Variants in PDE10A observed in about 807,000 individuals in gnomAD.
The protein encoded by PDE10A is cAMP and cAMP-inhibited cGMP 3',5'-cyclic phosphodiesterase 10A.
In PDE10A, 39 loss-of-function variants were observed where a neutral mutation model predicts 97.7. That is an observed-to-expected ratio of 0.40 (90% CI 0.31 to 0.52). The LOEUF is 0.52. PDE10A is among the 20% of genes least tolerant of loss of function. PDE10A has a pLI of 0.56. For synonymous variants in PDE10A, 371 were observed against 376.8 expected (o/e 0.98, Z 0.18); for missense variants, 731 against 1,047.8 (o/e 0.70, Z 4.17).
chr6:165,371,201 C>A (rs1039470844), intron 18 of PDE10A, among the ~76,000 whole-genome samples: 1 of 151,644 alleles, frequency 6.6e-6, no homozygotes, highest in African/African-American at 2.4e-5. Flanking sequence ...CATTCAAAAG[C>A]TAGCAGAAGG....
At chr6:165,815,547 A>G (rs1281328596) in intron 1 of PDE10A, among the ~76,000 whole-genome samples, 2 of 152,166 alleles carry the variant, frequency 1.3e-5, no homozygotes, top group Non-Finnish European at 2.9e-5. Context: ...GATGTTGTGA[A>G]AGGATTCAGC....
intron 1 of PDE10A, among the ~76,000 whole-genome samples, chr6:165,795,039 G>C (rs1364592412): frequency 6.6e-6 from 1 of 152,114 alleles, no homozygotes; most frequent in Non-Finnish European, 1.5e-5. Context: ...TGTCAAAACA[G>C]GGCTGTCACT....
chr6:165,825,200 G>C (rs1583151254), intron 1 of PDE10A, among the ~76,000 whole-genome samples: 1 of 151,546 alleles, frequency 6.6e-6, no homozygotes, highest in Admixed American at 6.6e-5. Context: ...ATTTGTTAAA[G>C]GGTTTGGGGT....
intron 1 of PDE10A, among the ~76,000 whole-genome samples, chr6:165,815,015 C>T (rs1019392668): frequency 3.3e-5 from 5 of 152,088 alleles, no homozygotes; most frequent in African/African-American, 9.6e-5. Context: ...AAAAGGGAGA[C>T]GGGGAGTTTA....
intron 1 of PDE10A, among the ~76,000 whole-genome samples, chr6:165,656,449 C>T (rs1043982398): frequency 9.9e-5 from 15 of 151,714 alleles, no homozygotes; most frequent in Admixed American, 6.6e-5. Flanking sequence ...TACCTCTTCT[C>T]GTGTGCCGAG....
intron 1 of PDE10A, among the ~76,000 whole-genome samples, chr6:165,712,631 C>CTTT (rs71675206): frequency 2.2e-5 from 2 of 88,968 alleles, no homozygotes; most frequent in Non-Finnish European, 4.1e-5. Flanking sequence ...AACTTTCTTT[C>CTTT]TTTTTTTTTT....
At chr6:165,575,796 G>T (rs1463671082) in intron 1 of PDE10A, among the ~76,000 whole-genome samples, 2 of 152,014 alleles carry the variant, frequency 1.3e-5, no homozygotes. Context: ...ATCATTTTTT[G>T]GTTAAACCAA....
chr6:165,889,048 C>T (rs1781707801), intron 1 of PDE10A, among the ~76,000 whole-genome samples: 1 of 152,152 alleles, frequency 6.6e-6, no homozygotes, highest in South Asian at 2.1e-4. Flanking sequence ...TCAATGCTGC[C>T]TATGGATTAC....
chr6:165,387,253 A>G (rs545605), intron 17 of PDE10A, among the ~76,000 whole-genome samples: 80,465 of 151,814 alleles, frequency 0.53, 21,619 homozygotes, highest in Middle Eastern at 0.68. Context: ...TACCCAGAAG[A>G]TAATTCGAAG....
At chr6:165,911,954 A>T (rs1445380376) in intron 1 of PDE10A, among the ~76,000 whole-genome samples, 1 of 152,112 alleles carries the variant, frequency 6.6e-6, no homozygotes, top group Non-Finnish European at 1.5e-5. Flanking sequence ...CTTCAGGTGG[A>T]TATGAAGAAT....
intron 17 of PDE10A, among the ~76,000 whole-genome samples, chr6:165,384,674 G>GGT (rs1785169348): frequency 9.3e-6 from 1 of 107,892 alleles, no homozygotes; most frequent in Non-Finnish European, 1.9e-5. Context: ...GTGTGTATGG[G>GGT]GGGGGGCGAC....
At chr6:165,413,167 C>G (rs967656649) in intron 13 of PDE10A, among the ~76,000 whole-genome samples, 1 of 152,084 alleles carries the variant, frequency 6.6e-6, no homozygotes, top group Admixed American at 6.5e-5. Context: ...ATTTGACAAA[C>G]AGTCAAGGTT....
At chr6:165,459,574 GATAGAT>G (rs1157556192) in intron 3 of PDE10A, among the ~76,000 whole-genome samples, 5 of 118,516 alleles carry the variant, frequency 4.2e-5, no homozygotes, top group Admixed American at 1.7e-4. Context: ...GATAGATAAT[GATAGAT>G]ATATATATAT....
chr6:165,768,462 G>T (rs1777922628), intron 1 of PDE10A, among the ~76,000 whole-genome samples: 1 of 151,992 alleles, frequency 6.6e-6, no homozygotes, highest in African/African-American at 2.4e-5. Context: ...TAAAACGTAA[G>T]GTAGTAATTT....
intron 18 of PDE10A, among the ~76,000 whole-genome samples, chr6:165,364,600 T>A (rs1157150649): frequency 2.0e-5 from 3 of 152,210 alleles, no homozygotes; most frequent in East Asian, 1.9e-4. Context: ...GGTGGCAGAC[T>A]TTTTTATACC....
In PDE10A at chr6:165,567,131, G is replaced by C. The variant is rs559769081; in HGVS notation, c.866-23563C>G. Among the ~76,000 whole-genome samples, 147 of 152,236 alleles carry C rather than the reference G, an allele frequency of 9.7e-4. 1 individual carries two copies. Among genetic ancestry groups the C allele is most frequent in the African/African-American group, 3.4e-3 (141 of 41,550 alleles). On this transcript the variant is annotated intron_variant, in intron 1 of 21. Coordinates refer to ENST00000539869, the MANE Select transcript of PDE10A (RefSeq NM_001385079.1). Reference sequence around the variant, plus strand: ...TACAATAATGAGAACAAACTATTCAGAACTGCATGGAATAATATGAGTGAA... The same window carrying C: ...TACAATAATGAGAACAAACTATTCACAACTGCATGGAATAATATGAGTGAA...
intron 2 of PDE10A, among the ~76,000 whole-genome samples, chr6:165,533,977 G>T (rs1187141107): frequency 2.6e-5 from 4 of 152,014 alleles, no homozygotes; most frequent in Non-Finnish European, 5.9e-5. Flanking sequence ...AGGCATAAGT[G>T]ATTTCCCTAA....
intron 8 of PDE10A, 72 bp downstream of exon 8, chr6:165,431,350 G>A (rs897286492): frequency 1.6e-5 from 14 of 889,984 alleles, no homozygotes; most frequent in East Asian, 2.7e-5. Flanking sequence ...CCTCTATTCC[G>A]GTCTTCAATG....
At chr6:165,656,282 ACACACACACACAC>A (rs1223217631) in intron 1 of PDE10A, among the ~76,000 whole-genome samples, 6 of 147,610 alleles carry the variant, frequency 4.1e-5, no homozygotes, top group African/African-American at 1.6e-4. Flanking sequence ...ACACACACAC[ACACACACACACAC>A]ACCTTTCCAA....
Sources: allele counts gnomAD v4.1 joint callset (sites outside exome capture counted in the v4.1 genomes callset), GRCh38; gene constraint gnomAD v4.1.1; transcripts MANE v1.5; gene names NCBI Gene and HGNC (gene_info 2026-07-23, HGNC 2026-07-21).